Variants in EXT1 observed in about 807,000 individuals in gnomAD.
EXT1 encodes exostosin glycosyltransferase 1, also known as exostosin-1.
In EXT1, 20 loss-of-function variants were observed where a neutral mutation model predicts 82.5. The ratio of observed to expected loss-of-function variants is 0.24; its 90% CI spans 0.17 to 0.35. EXT1 has a LOEUF of 0.35. EXT1 is among the 10% of genes least tolerant of loss of function. The pLI, the probability that EXT1 is intolerant of heterozygous loss-of-function variation, is 1.00. For missense variants in EXT1, 757 were observed against 936.5 expected (o/e 0.81, Z 2.50); for synonymous variants, 348 against 350.8 (o/e 0.99, Z 0.09).
chr8:117,893,383 C>T (rs1207273498), intron 1 of EXT1, among the ~76,000 whole-genome samples: 1 of 152,194 alleles, frequency 6.6e-6, no homozygotes, highest in Non-Finnish European at 1.5e-5. Flanking sequence ...CAACAAAAGC[C>T]ACACTGTTAA....
chr8:118,016,934 C>T (rs1816014487), intron 1 of EXT1, among the ~76,000 whole-genome samples: 1 of 152,120 alleles, frequency 6.6e-6, no homozygotes, highest in Non-Finnish European at 1.5e-5. Context: ...TGGTTATAGA[C>T]GTGTTCACTT....
intron 1 of EXT1, among the ~76,000 whole-genome samples, chr8:118,054,669 G>T (rs1223208895): frequency 6.6e-6 from 1 of 152,100 alleles, no homozygotes; most frequent in Non-Finnish European, 1.5e-5. Flanking sequence ...TTAACCCAAG[G>T]AGTGGGAAAA....
chr8:117,856,899 C>T (rs12680472), intron 1 of EXT1, among the ~76,000 whole-genome samples: 21,833 of 152,102 alleles, frequency 0.14, 1,887 homozygotes, highest in East Asian at 0.37. Flanking sequence ...TTTTAAGAGG[C>T]TAATGCAGCT....
chr8:118,085,479 G>GTTT (rs58866328), intron 1 of EXT1, among the ~76,000 whole-genome samples: 9 of 126,746 alleles, frequency 7.1e-5, no homozygotes, highest in African/African-American at 2.6e-4. Context: ...GGCTGTTTTT[G>GTTT]TTTTTTTTTT....
Position 117,826,029 on chromosome 8 carries a change from G to T in EXT1, c.1285-3432C>A, listed in dbSNP as rs539650217. 2.0e-5 allele frequency among the ~76,000 whole-genome samples: 3 copies of T among 152,286 alleles called. No individual in the cohort carries two copies. The South Asian group carries it at 6.2e-4, about 32-fold the overall frequency. On this transcript the variant is annotated intron_variant, in intron 4 of 10. Transcript: ENST00000378204. ...CTGACAAATAATGGAATCCATGAAG[G>T]AGCACTGTTTTTGCAGTGTTTTTTC...
rs1823073761 is a variant in EXT1 at position 117,795,291 on chromosome 8, T to C, written c.*4421A>G. On this transcript the variant is annotated 3_prime_UTR_variant, in exon 11 of 11. Transcript: ENST00000378204. ...CTAGACCAGTGACAACTACAATCCC[T>C]ACTAGGTAAAACTCATGGAGACAAA... 6.6e-6 allele frequency: 1 copy of C among 152,132 alleles called. No individual in the cohort carries two copies. The highest frequency in any genetic ancestry group is 2.4e-5 in the African/African-American group (1 of 41,414). 9.4% of individuals were successfully genotyped at this position (152,132 alleles called of 1,614,324 possible).
At position 118,076,332 on chromosome 8, in the gene EXT1, T is replaced by G. The variant is rs150553023; in HGVS notation, c.962+33753A>C. 3.9e-5 allele frequency among the ~76,000 whole-genome samples: 6 copies of G among 152,350 alleles called. No homozygotes were observed. The East Asian group carries it at 1.2e-3, about 29-fold the overall frequency. ...TGTTTAGAACATCCACTGTAATCAT[T>G]TTGTACTTTCATTCTAGAGAATGTA... On this transcript the variant is annotated intron_variant, in intron 1 of 10. Coordinates refer to ENST00000378204, the MANE Select transcript of EXT1 (RefSeq NM_000127.3).
At chr8:117,844,007 A>G (rs1243204983) in intron 1 of EXT1, among the ~76,000 whole-genome samples, 1 of 152,130 alleles carries the variant, frequency 6.6e-6, no homozygotes, top group East Asian at 1.9e-4. Flanking sequence ...TTTCTCTCCC[A>G]TTCAAAACTT....
intron 1 of EXT1, among the ~76,000 whole-genome samples, chr8:118,021,460 T>G (rs1199191204): frequency 6.6e-6 from 1 of 152,140 alleles, no homozygotes; most frequent in Non-Finnish European, 1.5e-5. Flanking sequence ...AATTTATGAC[T>G]CAAATAAAAC....
chr8:117,864,543 A>G (rs1812740094), intron 1 of EXT1, among the ~76,000 whole-genome samples: 1 of 152,210 alleles, frequency 6.6e-6, no homozygotes, highest in Non-Finnish European at 1.5e-5. Context: ...AGGTCAGGAG[A>G]TCGAGACCAT....
At chr8:118,014,082 G>T (rs1339481304) in intron 1 of EXT1, among the ~76,000 whole-genome samples, 1 of 152,150 alleles carries the variant, frequency 6.6e-6, no homozygotes, top group Non-Finnish European at 1.5e-5. Context: ...GTTAAATAAA[G>T]ATAATGATGA....
chr8:117,866,059 T>A (rs540719189), intron 1 of EXT1, among the ~76,000 whole-genome samples: 1 of 152,056 alleles, frequency 6.6e-6, no homozygotes, highest in East Asian at 1.9e-4. Context: ...ACCCCATCTC[T>A]ACTAAAACTA....
intron 1 of EXT1, among the ~76,000 whole-genome samples, chr8:118,013,711 C>A (rs1815947769): frequency 6.6e-6 from 1 of 152,152 alleles, no homozygotes; most frequent in East Asian, 1.9e-4. Flanking sequence ...ATACAGGATA[C>A]CTGGTTAACC....
chr8:117,805,462 G>A lies in EXT1; in HGVS notation c.1884-569C>T, dbSNP rs146512953. On this transcript the variant is annotated intron_variant, in intron 9 of 10. Transcript: ENST00000378204. ...ATCTGAATTAATGGGGTGGTCAATC[G>A]TAACAGAAAACCCATAATTAATTTG... Among the ~76,000 whole-genome samples the A allele has an allele frequency of 3.3e-4, 50 of 152,194 alleles. 1 individual carries two copies. The East Asian group carries it at 7.3e-3, about 22-fold the overall frequency.
chr8:118,079,976 T>A (rs1243617043), intron 1 of EXT1, among the ~76,000 whole-genome samples: 2 of 152,152 alleles, frequency 1.3e-5, no homozygotes, highest in Non-Finnish European at 2.9e-5. Flanking sequence ...TGGCATACAG[T>A]GTGAGTCATT....
At chr8:117,949,840 C>T (rs1814458429) in intron 1 of EXT1, among the ~76,000 whole-genome samples, 1 of 152,156 alleles carries the variant, frequency 6.6e-6, no homozygotes, top group Non-Finnish European at 1.5e-5. Context: ...CAATATCAGT[C>T]TTATTTGACA....
intron 1 of EXT1, among the ~76,000 whole-genome samples, chr8:118,096,622 G>A (rs13271248): frequency 3.3e-3 from 94 of 28,076 alleles, no homozygotes; most frequent in South Asian, 6.3e-3. Context: ...GAAGGAAGGA[G>A]GAAGGAAGGA....
intron 1 of EXT1, among the ~76,000 whole-genome samples, chr8:117,944,888 C>T (rs1004295212): frequency 1.3e-5 from 2 of 152,186 alleles, no homozygotes; most frequent in African/African-American, 2.4e-5. Flanking sequence ...CTCGGCCAGG[C>T]GCGGTGGCTC....
At position 117,869,565 on chromosome 8, in the gene EXT1, C is replaced by T. The variant is rs189877703; in HGVS notation, c.963-32364G>A. ...TTAGTAAATTTCCTTCTTTTTCTGG[C>T]AATACTGGCTTTTATTGAAGGATGA... On this transcript the variant is annotated intron_variant, in intron 1 of 10. Coordinates refer to ENST00000378204, the MANE Select transcript of EXT1 (RefSeq NM_000127.3). Among the ~76,000 whole-genome samples the T allele has an allele frequency of 3.3e-5, 5 of 152,268 alleles. No individual in the cohort carries two copies. In the East Asian group the frequency reaches 9.6e-4, roughly 29 times the overall value.
Sources: allele counts gnomAD v4.1 joint callset (sites outside exome capture counted in the v4.1 genomes callset), GRCh38; gene constraint gnomAD v4.1.1; transcripts MANE v1.5; gene names NCBI Gene and HGNC (gene_info 2026-07-23, HGNC 2026-07-21).